SNX29: variants seen among roughly 807,000 people sequenced by gnomAD.
SNX29 encodes sorting nexin 29.
A neutral mutation model predicts 102.1 loss-of-function variants in SNX29; 78 were observed. That is an observed-to-expected ratio of 0.76 (90% CI 0.64 to 0.92). The LOEUF (loss-of-function observed/expected upper bound fraction) is 0.92. Ranked by LOEUF, SNX29 falls within the 40% of genes least tolerant of loss-of-function variation. The pLI is 0.00. For synonymous variants in SNX29, 580 were observed against 414.5 expected, an observed-to-expected ratio of 1.40 and a Z score of -4.85; for missense variants, 1,280 against 1,061.7, an observed-to-expected ratio of 1.21 and a Z score of -2.86.
intron 15 of SNX29, among the ~76,000 whole-genome samples, chr16:12,348,092 A>T (rs911009810): frequency 5.3e-5 from 8 of 151,732 alleles, no homozygotes; most frequent in Non-Finnish European, 8.8e-5. Context: ...AAACAAAATT[A>T]AAAAAATAGG....
chr16:12,142,732 T>C (rs1200908936), intron 13 of SNX29, among the ~76,000 whole-genome samples: 1 of 151,390 alleles, frequency 6.6e-6, no homozygotes, highest in African/African-American at 2.4e-5. Context: ...CCTGGCTAAT[T>C]TTTTTGTATT....
At chr16:12,013,535 A>G (rs1328737353) in intron 3 of SNX29, among the ~76,000 whole-genome samples, 1 of 120,656 alleles carries the variant, frequency 8.3e-6, no homozygotes, top group Non-Finnish European at 1.7e-5. Flanking sequence ...ATATATATAT[A>G]TATATATCGA....
At chr16:12,454,128 A>G (rs2086428214) in intron 18 of SNX29, among the ~76,000 whole-genome samples, 1 of 152,194 alleles carries the variant, frequency 6.6e-6, no homozygotes, top group Non-Finnish European at 1.5e-5. Flanking sequence ...AAGGCTGCTT[A>G]TACCTCATCT....
chr16:12,307,301 T>C (rs1422511591), intron 15 of SNX29, among the ~76,000 whole-genome samples: 3 of 152,178 alleles, frequency 2.0e-5, no homozygotes, highest in African/African-American at 7.2e-5. Context: ...TGCAGGTGCC[T>C]GGCCGAGGGA....
chr16:12,573,016 GTT>G lies in SNX29; in HGVS notation c.*4391_*4392del. On this transcript the variant is annotated 3_prime_UTR_variant, in exon 21 of 21. Coordinates refer to ENST00000566228, the MANE Select transcript of SNX29 (RefSeq NM_032167.5). ...TTAAAGCTACTGTTAAATATTTGCT[GTT>G]TTTAGATTGGCGTCCGTGCTAATTC... The G allele has an allele frequency of 3.4e-6, 1 of 295,858 alleles. No individual in the cohort carries two copies. Among genetic ancestry groups the G allele is most frequent in the Non-Finnish European group, 5.7e-6 (1 of 176,378 alleles). 18.3% of individuals were successfully genotyped at this position (295,858 alleles called of 1,614,324 possible).
At chr16:12,246,961 CAG>C (rs926118510) in intron 14 of SNX29, among the ~76,000 whole-genome samples, 6 of 152,112 alleles carry the variant, frequency 3.9e-5, no homozygotes, top group East Asian at 1.9e-4. Context: ...CAAGGGGAAA[CAG>C]GGTGTCAGGA....
intron 18 of SNX29, among the ~76,000 whole-genome samples, chr16:12,460,361 A>G (rs1319276658): frequency 6.6e-6 from 1 of 152,200 alleles, no homozygotes; most frequent in Non-Finnish European, 1.5e-5. Context: ...TTTTAAGTCC[A>G]TTATATTCTC....
At chr16:12,288,173 G>A (rs1357504647) in intron 15 of SNX29, among the ~76,000 whole-genome samples, 1 of 152,114 alleles carries the variant, frequency 6.6e-6, no homozygotes, top group African/African-American at 2.4e-5. Context: ...CCAGAGGCGG[G>A]ACTCAGACAC....
chr16:12,129,779 G>A, intron 13 of SNX29, 21 bp downstream of exon 13: 1 of 1,593,610 alleles, frequency 6.3e-7, no homozygotes, highest in Non-Finnish European at 8.5e-7. Context: ...GTGAGGGATG[G>A]AGAGGTAAGC....
chr16:12,219,581 T>C (rs2077420909), intron 14 of SNX29, among the ~76,000 whole-genome samples: 1 of 152,234 alleles, frequency 6.6e-6, no homozygotes, highest in Non-Finnish European at 1.5e-5. Context: ...TGTACTTAAG[T>C]TTGATGTTCT....
In SNX29 at chr16:12,562,661, G is replaced by T. The variant is rs376279959; in HGVS notation, c.2319-5845G>T. 3.6e-3 allele frequency among the ~76,000 whole-genome samples: 542 copies of T among 152,300 alleles called. 2 individuals are homozygous for T. The highest frequency in any genetic ancestry group is 0.012 in the African/African-American group (513 of 41,552). On this transcript the variant is annotated intron_variant, in intron 20 of 20. Transcript: ENST00000566228. ...TCCCTGAGGGGCTGTTTTATGTCGGGAAAGTCTAGATTTACAGGCACTGCC... is the reference window on the plus strand; with the variant it reads ...TCCCTGAGGGGCTGTTTTATGTCGGTAAAGTCTAGATTTACAGGCACTGCC...
At chr16:12,142,180 C>G (rs138214579) in intron 13 of SNX29, among the ~76,000 whole-genome samples, 24 of 152,332 alleles carry the variant, frequency 1.6e-4, no homozygotes, top group African/African-American at 5.3e-4. Flanking sequence ...GAGACTGGAT[C>G]CAGTCCACAC....
intron 19 of SNX29, among the ~76,000 whole-genome samples, chr16:12,518,563 C>T (rs1002210470): frequency 2.0e-5 from 3 of 152,212 alleles, no homozygotes; most frequent in Admixed American, 1.3e-4. Flanking sequence ...CTCTCCAGCC[C>T]TCCTGCAAAC....
At chr16:12,552,516 A>T (rs535453927) in intron 20 of SNX29, among the ~76,000 whole-genome samples, 74 of 152,310 alleles carry the variant, frequency 4.9e-4, no homozygotes, top group Middle Eastern at 6.8e-3. Flanking sequence ...AGCCTGCCAA[A>T]TGGGCCTTCA....
intron 20 of SNX29, among the ~76,000 whole-genome samples, chr16:12,565,810 A>C (rs910536038): frequency 6.6e-6 from 1 of 152,056 alleles, no homozygotes; most frequent in African/African-American, 2.4e-5. Flanking sequence ...AGCAACCCTC[A>C]GCTCACTTCT....
chr16:12,450,234 A>G (rs75422972), intron 18 of SNX29, among the ~76,000 whole-genome samples: 15 of 152,332 alleles, frequency 9.8e-5, no homozygotes, highest in East Asian at 5.8e-4. Flanking sequence ...AGCAGTGAGA[A>G]CAGACTAATA....
chr16:12,047,339 G>T (rs1446863524), intron 6 of SNX29, among the ~76,000 whole-genome samples: 1 of 152,142 alleles, frequency 6.6e-6, no homozygotes, highest in Non-Finnish European at 1.5e-5. Context: ...CAAGTTTTTT[G>T]TTGCCTCCTT....
chr16:12,215,607 C>G (rs1416936687), intron 14 of SNX29, among the ~76,000 whole-genome samples: 5 of 152,170 alleles, frequency 3.3e-5, no homozygotes, highest in Non-Finnish European at 5.9e-5. Flanking sequence ...GGCAGTGGAA[C>G]AGGCAGGCAG....
chr16:12,384,729 C>G (rs966730142), intron 16 of SNX29, among the ~76,000 whole-genome samples: 11 of 152,292 alleles, frequency 7.2e-5, no homozygotes, highest in African/African-American at 2.4e-4. Flanking sequence ...TTGATGTGAT[C>G]CCATTTGTCC....
Sources: gnomAD v4.1 joint callset for allele counts (sites outside exome capture counted in the v4.1 genomes callset) on GRCh38, gnomAD v4.1.1 for gene constraint, MANE v1.5 for transcripts, NCBI Gene and HGNC (gene_info 2026-07-23, HGNC 2026-07-21) for gene names.